Variants in MED1 observed in about 807,000 individuals in gnomAD.
The protein encoded by MED1 is mediator complex subunit 1, also known as mediator of RNA polymerase II transcription subunit 1.
In MED1, 17 loss-of-function variants were observed where a neutral mutation model predicts 121.3. The observed-to-expected ratio is 0.14, with a 90% CI of 0.10 to 0.21. MED1 has a LOEUF of 0.21. Ranked by LOEUF, MED1 falls within the 10% of genes least tolerant of loss-of-function variation. The probability of loss-of-function intolerance (pLI) is 1.00; values close to 1 mark genes in which losing one functional copy is unlikely to be tolerated. For missense variants in MED1, 1,558 were observed against 1,919.4 expected, an observed-to-expected ratio of 0.81 and a Z score of 3.52; for synonymous variants, 661 against 694.4, an observed-to-expected ratio of 0.95 and a Z score of 0.76.
Position 39,440,355 on chromosome 17 carries a change from C to G in MED1, c.399+31G>C. ...AATTAATGTCCCTAAGTAAACCCCA[C>G]AGATTCCAGTGAAATATCAACAACA... On this transcript the variant is annotated intron_variant, in intron 5 of 16. Coordinates refer to ENST00000300651, the MANE Select transcript of MED1 (RefSeq NM_004774.4). The surrounding 1 kb of genome is among the most constrained non-coding windows in gnomAD (Gnocchi z 4.1). The G allele has an allele frequency of 6.5e-7, 1 of 1,534,508 alleles. No homozygotes were observed. The highest frequency in any genetic ancestry group is 8.7e-7 in the Non-Finnish European group (1 of 1,149,186).
chr17:39,419,116 G>A (rs1406046702), intron 14 of MED1, among the ~76,000 whole-genome samples: 1 of 148,666 alleles, frequency 6.7e-6, no homozygotes, highest in African/African-American at 2.6e-5. Context: ...GGGTCTTACT[G>A]TGTTACCCAG....
In MED1 at chr17:39,418,422, A is replaced by C. The variant is rs565826711; in HGVS notation, c.1297+1295T>G. On this transcript the variant is annotated intron_variant, in intron 14 of 16. Transcript: ENST00000300651. ...GTGGTACATGCCTATAGCCCCACCT[A>C]CTTGGGAGGCTAAGGCAGGAGGATC... Among the ~76,000 whole-genome samples, 100 of 151,982 alleles carry C rather than the reference A, an allele frequency of 6.6e-4. 1 individual carries two copies. Among genetic ancestry groups the C allele is most frequent in the Admixed American group, 3.0e-3 (46 of 15,212 alleles).
At position 39,409,932 on chromosome 17, in the gene MED1, A is replaced by G; in HGVS notation, c.2289T>C (p.Ile763=). Residue 763 remains isoleucine, a synonymous_variant, in exon 17 of 17, where the codon ATT becomes ATC. Transcript: ENST00000300651. ...PQPVPHPQPS[I]QRMVRLSSSD... ...AACTGGATAGTCGGACCATCCTTTG[A>G]ATACTGGGTTGGGGGTGAGGTACTG... 1.2e-6 allele frequency: 2 copies of G among 1,614,080 alleles called. No individual in the cohort carries two copies. The highest frequency in any genetic ancestry group is 1.7e-6 in the Non-Finnish European group (2 of 1,180,008).
At chr17:39,449,518 T>C (rs1332191535) in intron 1 of MED1, among the ~76,000 whole-genome samples, 1 of 149,796 alleles carries the variant, frequency 6.7e-6, no homozygotes, top group Non-Finnish European at 1.5e-5. Context: ...TTTTTTCTTT[T>C]TTTTTTTTTT....
chr17:39,440,624 C>T lies in MED1; in HGVS notation c.265G>A (p.Gly89Arg). ...DRLESIARQN[G>R]LGSHLSASGT... ...TCTGCCTACAGAAAGACTACTTACC[C>T]ATTCTGTCTTGCTATGGACTCCAAA... Residue 89 changes from glycine to arginine, a missense_variant and splice_region_variant, in exon 4 of 17, where the codon GGA becomes AGA. Gly to Arg is a moderately radical substitution (Grantham distance 125). Coordinates refer to ENST00000300651, the MANE Select transcript of MED1 (RefSeq NM_004774.4). The surrounding 1 kb of genome is among the most constrained non-coding windows in gnomAD (Gnocchi z 4.1). 2 of 1,613,308 alleles carry T rather than the reference C, an allele frequency of 1.2e-6. No homozygotes were observed. The highest frequency in any genetic ancestry group is 1.7e-6 in the Non-Finnish European group (2 of 1,179,428).
At position 39,451,213 on chromosome 17, in the gene MED1, C is replaced by T; in HGVS notation, c.-151G>A. On this transcript the variant is annotated 5_prime_UTR_variant, in exon 1 of 17. Coordinates refer to ENST00000300651, the MANE Select transcript of MED1 (RefSeq NM_004774.4). ...AGGATCAATCTGAAGTCCCCGGCGGCAAGAAGAGAAGGGTGCTCGAGGCCG... is the reference window on the plus strand; with the variant it reads ...AGGATCAATCTGAAGTCCCCGGCGGTAAGAAGAGAAGGGTGCTCGAGGCCG... 1 of 879,612 alleles carries T rather than the reference C, an allele frequency of 1.1e-6. No individual in the cohort carries two copies. Among genetic ancestry groups the T allele is most frequent in the South Asian group, 1.7e-5 (1 of 58,268 alleles). The allele number at this position is 879,612 out of a possible 1,614,324, so 54.5% of individuals were successfully genotyped here.
chr17:39,407,059 C>T lies in MED1; in HGVS notation c.*416G>A. On this transcript the variant is annotated 3_prime_UTR_variant, in exon 17 of 17. Coordinates refer to ENST00000300651, the MANE Select transcript of MED1 (RefSeq NM_004774.4). ...TGCAAATGCATCAAGGAATGTATTG[C>T]TTTTTCATTTTCTGCCCAGCCCTTC... 2.0e-6 allele frequency: 2 copies of T among 989,744 alleles called. No individual in the cohort carries two copies. Among genetic ancestry groups the T allele is most frequent in the Non-Finnish European group, 2.4e-6 (2 of 832,620 alleles). The allele number at this position is 989,744 out of a possible 1,614,324, so 61.3% of individuals were successfully genotyped here. A position where few individuals can be genotyped will look rare whatever the true frequency, so the allele number is the denominator to read the frequency against.
chr17:39,436,794 A>G (rs1444486738), intron 6 of MED1, among the ~76,000 whole-genome samples: 2 of 151,618 alleles, frequency 1.3e-5, no homozygotes, highest in Non-Finnish European at 2.9e-5. Context: ...TTTTTGAGAC[A>G]GTCTCACTCC....
At chr17:39,419,051 C>T (rs910395850) in intron 14 of MED1, among the ~76,000 whole-genome samples, 1 of 152,090 alleles carries the variant, frequency 6.6e-6, no homozygotes, top group Non-Finnish European at 1.5e-5. Context: ...TCCCAAAGTG[C>T]TGGGATTACA....
Position 39,407,056 on chromosome 17 carries a change from T to C in MED1, c.*419A>G. ...TCATGCAAATGCATCAAGGAATGTA[T>C]TGCTTTTTCATTTTCTGCCCAGCCC... On this transcript the variant is annotated 3_prime_UTR_variant, in exon 17 of 17. Transcript: ENST00000300651. 10 of 989,664 alleles carry C rather than the reference T, an allele frequency of 1.0e-5. No homozygotes were observed. The highest frequency in any genetic ancestry group is 1.2e-5 in the Non-Finnish European group (10 of 832,540). 61.3% of individuals were successfully genotyped at this position (989,664 alleles called of 1,614,324 possible).
chr17:39,436,756 T>C (rs2048622634), intron 6 of MED1, among the ~76,000 whole-genome samples: 1 of 152,104 alleles, frequency 6.6e-6, no homozygotes, highest in Non-Finnish European at 1.5e-5. Flanking sequence ...ATTTATTTTG[T>C]TCCACACATA....
Position 39,450,899 on chromosome 17 carries a change from A to T in MED1, c.25+139T>A, listed in dbSNP as rs186751542. On this transcript the variant is annotated intron_variant, in intron 1 of 16. Coordinates refer to ENST00000300651, the MANE Select transcript of MED1 (RefSeq NM_004774.4). ...AATCACCAAGGAGGGTATAGTGACAATCTAAAACTAATACACATTCCCTCT... is the reference window on the plus strand; with the variant it reads ...AATCACCAAGGAGGGTATAGTGACATTCTAAAACTAATACACATTCCCTCT... 2.9e-4 allele frequency: 192 copies of T among 671,458 alleles called. No individual in the cohort carries two copies. The African/African-American group carries it at 3.1e-3, about 11-fold the overall frequency. 41.6% of individuals were successfully genotyped at this position (671,458 alleles called of 1,614,324 possible). A position where few individuals can be genotyped will look rare whatever the true frequency, so the allele number is the denominator to read the frequency against.
intron 7 of MED1, among the ~76,000 whole-genome samples, chr17:39,432,709 A>G (rs1432204026): frequency 1.3e-5 from 2 of 150,852 alleles, no homozygotes; most frequent in Non-Finnish European, 3.0e-5. Flanking sequence ...AACCGAGATC[A>G]TGCCATTGCA....
Position 39,406,764 on chromosome 17 carries a change from A to G in MED1, c.*711T>C. 1.0e-6 allele frequency: 1 copy of G among 985,538 alleles called. No homozygotes were observed. The highest frequency in any genetic ancestry group is 1.2e-6 in the Non-Finnish European group (1 of 829,904). The allele number at this position is 985,538 out of a possible 1,614,324, so 61.0% of individuals were successfully genotyped here. On this transcript the variant is annotated 3_prime_UTR_variant, in exon 17 of 17. Transcript: ENST00000300651. ...TGATGCTACAGTATTAGCACAAGCT[A>G]TAAGCTCCCTACCACCATATAAGCC...
At chr17:39,446,267 G>A (rs542933044) in intron 2 of MED1, among the ~76,000 whole-genome samples, 4 of 151,496 alleles carry the variant, frequency 2.6e-5, no homozygotes, top group South Asian at 4.2e-4. Context: ...TGGCTAACAC[G>A]GTGAAACCCC....
At chr17:39,435,120 A>T (rs1464535326) in intron 6 of MED1, among the ~76,000 whole-genome samples, 3 of 152,170 alleles carry the variant, frequency 2.0e-5, no homozygotes, top group Non-Finnish European at 4.4e-5. Context: ...GTGAGCCGAG[A>T]TCGCGCCACT....
intron 1 of MED1, among the ~76,000 whole-genome samples, chr17:39,449,808 C>G (rs1199031579): frequency 8.8e-6 from 1 of 113,708 alleles, no homozygotes; most frequent in Non-Finnish European, 1.8e-5. Flanking sequence ...CCACACCCGG[C>G]CTTTTTTTTT....
intron 13 of MED1, among the ~76,000 whole-genome samples, chr17:39,421,223 C>T (rs1337588431): frequency 1.4e-5 from 2 of 146,776 alleles, no homozygotes; most frequent in African/African-American, 5.1e-5. Flanking sequence ...TGCACTCCAG[C>T]CTGGGCACCA....
chr17:39,421,576 G>C (rs1236590584), intron 13 of MED1, among the ~76,000 whole-genome samples: 1 of 151,710 alleles, frequency 6.6e-6, no homozygotes, highest in Non-Finnish European at 1.5e-5. Context: ...ATAAAAAAGA[G>C]AGGATTTTGC....
Sources: allele counts gnomAD v4.1 joint callset (sites outside exome capture counted in the v4.1 genomes callset), GRCh38; gene constraint gnomAD v4.1.1; non-coding constraint Gnocchi (gnomAD v3.1); transcripts MANE v1.5; gene names NCBI Gene and HGNC (gene_info 2026-07-23, HGNC 2026-07-21).